Variants in CRKL observed in about 807,000 individuals in gnomAD.
CRKL encodes CRK like proto-oncogene, adaptor protein.
A neutral mutation model predicts 23.0 loss-of-function variants in CRKL; 3 were observed. The observed-to-expected ratio is 0.13, with a 90% CI of 0.06 to 0.34. The LOEUF (loss-of-function observed/expected upper bound fraction) is 0.34, where lower values mean the gene tolerates loss of function less well. Among genes scored for constraint, CRKL ranks in the 10% least tolerant of loss-of-function variants. The probability of loss-of-function intolerance (pLI) is 1.00; values close to 1 mark genes in which losing one functional copy is unlikely to be tolerated. For missense variants in CRKL, 256 were observed against 394.5 expected, an observed-to-expected ratio of 0.65 and a Z score of 2.97; for synonymous variants, 188 against 160.7, an observed-to-expected ratio of 1.17 and a Z score of -1.28.
Position 20,950,391 on chromosome 22 carries a change from T to G in CRKL, c.*546T>G, listed in dbSNP as rs1373334205. On this transcript the variant is annotated 3_prime_UTR_variant, in exon 3 of 3. Transcript: ENST00000354336. ...CTAATTAATTAGACTTGTGTGGGGGTTTTTTTTTGTTTTGTTTTGTTTGTT... is the reference window on the plus strand; with the variant it reads ...CTAATTAATTAGACTTGTGTGGGGGGTTTTTTTTGTTTTGTTTTGTTTGTT... 4 of 228,714 alleles carry G rather than the reference T, an allele frequency of 1.7e-5. No individual in the cohort carries two copies. Among genetic ancestry groups the G allele is most frequent in the South Asian group, 3.7e-4 (2 of 5,348 alleles). The allele number at this position is 228,714 out of a possible 1,614,324, so 14.2% of individuals were successfully genotyped here.
intron 2 of CRKL, among the ~76,000 whole-genome samples, chr22:20,946,835 G>A (rs576886888): frequency 7.9e-5 from 12 of 152,256 alleles, no homozygotes; most frequent in African/African-American, 2.9e-4. Context: ...AGTGATGAGG[G>A]AAACGGCAAG....
At chr22:20,922,976 C>T (rs2147895668) in intron 1 of CRKL, among the ~76,000 whole-genome samples, 1 of 151,924 alleles carries the variant, frequency 6.6e-6, no homozygotes, top group African/African-American at 2.4e-5. Context: ...CCTGGCCTAG[C>T]TCTAGTGTAT....
intron 1 of CRKL, among the ~76,000 whole-genome samples, chr22:20,919,923 T>A (rs1337425771): frequency 6.6e-6 from 1 of 152,084 alleles, no homozygotes; most frequent in Non-Finnish European, 1.5e-5. Flanking sequence ...AGAAAGTGAT[T>A]ATAAATCAAA....
chr22:20,927,111 C>CAAAAAAAAAAAAAAAAAAAAAAAAAAA (rs371278201), intron 1 of CRKL, among the ~76,000 whole-genome samples: 17 of 48,520 alleles, frequency 3.5e-4, no homozygotes, highest in East Asian at 1.1e-3. Context: ...GACTCCGTCT[C>CAAAAAAAAAAAAAAAAAAAAAAAAAAA]AAAAAAAAAA....
In CRKL at chr22:20,953,218, A is replaced by G. The variant is rs1431844348; in HGVS notation, c.*3373A>G. 4.3e-6 allele frequency: 1 copy of G among 231,742 alleles called. No homozygotes were observed. The allele number at this position is 231,742 out of a possible 1,614,324, so 14.4% of individuals were successfully genotyped here. ...TGTTTTAACACAGTACCTAAGACTA[A>G]TGCTTTCTGTGGACACCACTGAGCT... On this transcript the variant is annotated 3_prime_UTR_variant, in exon 3 of 3. Transcript: ENST00000354336.
intron 2 of CRKL, among the ~76,000 whole-genome samples, chr22:20,943,290 C>T (rs543354841): frequency 2.0e-5 from 3 of 152,128 alleles, no homozygotes; most frequent in African/African-American, 7.2e-5. Context: ...GGCTGGAGTA[C>T]AATGGCACTC....
chr22:20,917,811 G>T lies in CRKL; in HGVS notation c.-124G>T. 1.1e-6 allele frequency: 1 copy of T among 937,728 alleles called. No individual in the cohort carries two copies. Among genetic ancestry groups the T allele is most frequent in the South Asian group, 1.7e-5 (1 of 57,816 alleles). 58.1% of individuals were successfully genotyped at this position (937,728 alleles called of 1,614,324 possible). On this transcript the variant is annotated 5_prime_UTR_variant, in exon 1 of 3. An upstream open reading frame in the 5' UTR loses its in-frame stop. Coordinates refer to ENST00000354336, the MANE Select transcript of CRKL (RefSeq NM_005207.4). ...GAGGAAAGTGCTGGCCCAGCCCTCT[G>T]AGCGCTCCTCGAGGTGTGCGAGAGG...
At position 20,934,068 on chromosome 22, in the gene CRKL, C is replaced by T. The variant is rs1921565490; in HGVS notation, c.601C>T (p.Pro201Ser). The T allele has an allele frequency of 1.2e-6, 2 of 1,614,020 alleles. 1 individual carries two copies. Among genetic ancestry groups the T allele is most frequent in the South Asian group, 2.2e-5 (2 of 91,082 alleles). The change falls in exon 2 of 3, where the codon CCA becomes TCA. Residue 201 changes from proline to serine, a missense_variant. By Grantham distance (74) the Pro-to-Ser change is moderately conservative. Coordinates refer to ENST00000354336, the MANE Select transcript of CRKL (RefSeq NM_005207.4). ...GNRNSNSYGIPEPAHAYAQPQ... is the reference protein window; with the variant it reads ...GNRNSNSYGISEPAHAYAQPQ... ...TAGGAATTCCAACAGTTATGGGATC[C>T]CAGAACCTGCTCATGCATACGCTCA... is the stretch of plus-strand genomic sequence containing the variant.
At chr22:20,946,573 C>G (rs1020692977) in intron 2 of CRKL, among the ~76,000 whole-genome samples, 2 of 152,062 alleles carry the variant, frequency 1.3e-5, no homozygotes, top group Non-Finnish European at 2.9e-5. Flanking sequence ...TAAGGTCAGC[C>G]ACATCTCCCA....
chr22:20,941,725 C>T lies in CRKL; in HGVS notation c.777+7481C>T, dbSNP rs1921892626. On this transcript the variant is annotated intron_variant, in intron 2 of 2. Coordinates refer to ENST00000354336, the MANE Select transcript of CRKL (RefSeq NM_005207.4). ...TTCTCTGCCTCAGCCTCCCGAGTAG[C>T]TGGGATTACAGGTGCCCGCCACCAG... 2.0e-5 allele frequency among the ~76,000 whole-genome samples: 3 copies of T among 149,486 alleles called. No homozygotes were observed. The South Asian group carries it at 6.3e-4, about 32-fold the overall frequency.
Position 20,949,701 on chromosome 22 carries a change from A to G in CRKL, c.778-10A>G, listed in dbSNP as rs1049680457. ...GAGAAATGCTAACTTTGTCTTCTTC[A>G]TCCATACAGGTTGGTGACATCGTGA... On this transcript the variant is annotated splice_polypyrimidine_tract_variant and intron_variant, in intron 2 of 2. Coordinates refer to ENST00000354336, the MANE Select transcript of CRKL (RefSeq NM_005207.4). The G allele has an allele frequency of 3.1e-6, 5 of 1,608,484 alleles. No individual in the cohort carries two copies. Among genetic ancestry groups the G allele is most frequent in the Non-Finnish European group, 4.2e-6 (5 of 1,178,618 alleles).
rs1195913893 is a variant in CRKL, at chr22:20,950,141, A to T, written c.*296A>T. 10 of 368,392 alleles carry T rather than the reference A, an allele frequency of 2.7e-5. No individual in the cohort carries two copies. Among genetic ancestry groups the T allele is most frequent in the Non-Finnish European group, 4.9e-5 (10 of 205,906 alleles). The allele number at this position is 368,392 out of a possible 1,614,324, so 22.8% of individuals were successfully genotyped here. On this transcript the variant is annotated 3_prime_UTR_variant, in exon 3 of 3. Transcript: ENST00000354336. ...TGACATGGAAAGGGTCTTCCTTCTC[A>T]TTGCTGCCCGTTTGTACATGGGACT... is the stretch of plus-strand genomic sequence containing the variant.
At chr22:20,936,412 G>T (rs750635751) in intron 2 of CRKL, among the ~76,000 whole-genome samples, 14 of 152,080 alleles carry the variant, frequency 9.2e-5, no homozygotes, top group Non-Finnish European at 1.3e-4. Context: ...GCAATGGCAC[G>T]ATCTCGGTTC....
At chr22:20,947,676 A>ATTTTTTTT (rs59126952) in intron 2 of CRKL, among the ~76,000 whole-genome samples, 6 of 90,534 alleles carry the variant, frequency 6.6e-5, no homozygotes, top group East Asian at 3.4e-4. Flanking sequence ...TCTTTTTTTC[A>ATTTTTTTT]TTTTTTTTTT....
chr22:20,944,620 G>T (rs966103659), intron 2 of CRKL, among the ~76,000 whole-genome samples: 1 of 151,240 alleles, frequency 6.6e-6, no homozygotes, highest in East Asian at 2.0e-4. Flanking sequence ...GGCCAGGATG[G>T]TCTCGATCTC....
At chr22:20,918,313 AG>A (rs909860761) in intron 1 of CRKL, 68 bp downstream of exon 1, 6 of 1,536,502 alleles carry the variant, frequency 3.9e-6, no homozygotes, top group Admixed American at 3.8e-5. Context: ...GTGCTTGTAT[AG>A]GGGGGTGGGG....
At chr22:20,928,449 G>A (rs543902386) in intron 1 of CRKL, among the ~76,000 whole-genome samples, 4 of 151,614 alleles carry the variant, frequency 2.6e-5, no homozygotes, top group Non-Finnish European at 5.9e-5. Context: ...AGAGCAAGAC[G>A]CTATCTCAAA....
intron 2 of CRKL, among the ~76,000 whole-genome samples, chr22:20,949,510 A>T (rs1652729285): frequency 1.3e-5 from 2 of 152,188 alleles, no homozygotes; most frequent in Non-Finnish European, 2.9e-5. Flanking sequence ...GTGGAGGTGG[A>T]AGGATCACTT....
rs1419672097 is a variant in CRKL at position 20,923,575 on chromosome 22, CA to C, written c.311+5331del. ...TACAGTTATGAGCCACCGCGCCTGG[CA>C]TTTTTTTTTTTTTTTTTGAGACAGA... On this transcript the variant is annotated intron_variant, in intron 1 of 2. Coordinates refer to ENST00000354336, the MANE Select transcript of CRKL (RefSeq NM_005207.4). 2.6e-4 allele frequency among the ~76,000 whole-genome samples: 29 copies of C among 109,800 alleles called. No homozygotes were observed. The East Asian group carries it at 9.7e-3, about 37-fold the overall frequency. 72.0% of individuals were successfully genotyped at this position (109,800 alleles called of 152,430 possible). A position where few individuals can be genotyped will look rare whatever the true frequency, so the allele number is the denominator to read the frequency against.
Sources: gnomAD v4.1 joint callset for allele counts (sites outside exome capture counted in the v4.1 genomes callset) on GRCh38, gnomAD v4.1.1 for gene constraint, MANE v1.5 for transcripts, NCBI Gene and HGNC (gene_info 2026-07-23, HGNC 2026-07-21) for gene names.